Variants in CNTLN observed in about 807,000 individuals in gnomAD.
The protein encoded by CNTLN is centlein, centrosomal protein.
Under a neutral mutation model 180.0 loss-of-function variants are expected in CNTLN, and 212 were observed. That is an observed-to-expected ratio of 1.18 (90% CI 1.05 to 1.32). CNTLN has a LOEUF of 1.32. Among genes scored for constraint, CNTLN ranks in the 40% most tolerant of loss-of-function variants. The probability of loss-of-function intolerance (pLI) is 0.00; values close to 1 mark genes in which losing one functional copy is unlikely to be tolerated. For missense variants in CNTLN, 2,095 were observed against 1,610.9 expected (o/e 1.30, Z -5.14); for synonymous variants, 722 against 563.1 (o/e 1.28, Z -3.99).
At chr9:17,513,755 A>G in the CNTLN span, among the ~76,000 whole-genome samples, 1 of 152,172 alleles carries the variant, frequency 6.6e-6, no homozygotes, top group African/African-American at 2.4e-5. Flanking sequence ...ATAGAATAGG[A>G]GGAAAGAATT....
At chr9:17,301,100 C>T in intron 7 of CNTLN, 1 of 985,352 alleles carries the variant, frequency 1.0e-6, no homozygotes. Context: ...TGGTGTCATA[C>T]CAGTAATACT....
chr9:17,425,205 A>G (rs559745571), intron 18 of CNTLN, among the ~76,000 whole-genome samples: 2 of 152,268 alleles, frequency 1.3e-5, no homozygotes, highest in African/African-American at 4.8e-5. Flanking sequence ...TGTTCCTCCA[A>G]AATTCATGTT....
At chr9:17,371,970 C>T (rs1427884402) in intron 13 of CNTLN, among the ~76,000 whole-genome samples, 1 of 151,808 alleles carries the variant, frequency 6.6e-6, no homozygotes, top group African/African-American at 2.4e-5. Flanking sequence ...AAAAGCAATA[C>T]TAAGAGGGAA....
intron 25 of CNTLN, among the ~76,000 whole-genome samples, chr9:17,489,194 T>C (rs1564147854): frequency 6.6e-6 from 1 of 152,018 alleles, no homozygotes; most frequent in Non-Finnish European, 1.5e-5. Flanking sequence ...TTGTCCTGAA[T>C]TTTAGAAAAG....
At chr9:17,314,939 G>A (rs1346680747) in intron 8 of CNTLN, among the ~76,000 whole-genome samples, 1 of 152,070 alleles carries the variant, frequency 6.6e-6, no homozygotes, top group Non-Finnish European at 1.5e-5. Flanking sequence ...ACAATGCAGT[G>A]AACTTAATAG....
intron 7 of CNTLN, chr9:17,302,178 A>T: frequency 1.1e-6 from 1 of 917,504 alleles, no homozygotes; most frequent in Non-Finnish European, 1.3e-6. Flanking sequence ...AAGCTATAAC[A>T]TCATATTAAC....
intron 2 of CNTLN, among the ~76,000 whole-genome samples, chr9:17,221,766 C>T (rs1168388984): frequency 6.6e-6 from 1 of 151,980 alleles, no homozygotes; most frequent in African/African-American, 2.4e-5. Flanking sequence ...TTTGTTTTCT[C>T]TTTTCTCAAC....
At chr9:17,386,327 G>GA (rs1405177097) in intron 13 of CNTLN, among the ~76,000 whole-genome samples, 1 of 151,792 alleles carries the variant, frequency 6.6e-6, no homozygotes, top group Non-Finnish European at 1.5e-5. Flanking sequence ...ATGAGAAAAA[G>GA]AAAAAATGGA....
chr9:17,398,493 C>T lies in CNTLN; in HGVS notation c.2615+3424C>T, dbSNP rs150625689. On this transcript the variant is annotated intron_variant, in intron 15 of 25. Coordinates refer to ENST00000380647, the MANE Select transcript of CNTLN (RefSeq NM_017738.4). ...TTGAGTGGTTATCTCTTCATGCTAT[C>T]ATAAGTTGCATATGCAATTCTGGGA... Among the ~76,000 whole-genome samples, 534 of 152,230 alleles carry T rather than the reference C, an allele frequency of 3.5e-3. 2 individuals are homozygous for T. The highest frequency in any genetic ancestry group is 0.011 in the African/African-American group (471 of 41,526).
intron 18 of CNTLN, among the ~76,000 whole-genome samples, chr9:17,444,943 C>T (rs914971937): frequency 4.6e-5 from 7 of 152,054 alleles, no homozygotes; most frequent in African/African-American, 1.7e-4. Context: ...TTGCAAATCT[C>T]TTTTTTCTAT....
intron 12 of CNTLN, among the ~76,000 whole-genome samples, chr9:17,359,007 T>TCTCCCCTCCC (rs557214381): frequency 6.6e-6 from 1 of 150,794 alleles, no homozygotes. Context: ...ATTCCTCTCC[T>TCTCCCCTCCC]CTCCCCTCCC....
intron 5 of CNTLN, among the ~76,000 whole-genome samples, chr9:17,241,297 C>G (rs979738601): frequency 2.6e-5 from 4 of 152,194 alleles, no homozygotes; most frequent in African/African-American, 9.7e-5. Flanking sequence ...TTTCCCAGCA[C>G]AGTTAACTGA....
At chr9:17,279,534 C>T (rs1828527486) in intron 6 of CNTLN, among the ~76,000 whole-genome samples, 1 of 151,916 alleles carries the variant, frequency 6.6e-6, no homozygotes, top group Admixed American at 6.6e-5. Context: ...CCTATTTCCA[C>T]TATAGTCTGA....
intron 2 of CNTLN, among the ~76,000 whole-genome samples, chr9:17,145,397 A>C (rs1256899924): frequency 6.6e-6 from 1 of 152,210 alleles, no homozygotes; most frequent in African/African-American, 2.4e-5. Context: ...TTGAGAAGTG[A>C]AAATGATATG....
Position 17,380,362 on chromosome 9 carries a change from A to G in CNTLN, c.1988-7800A>G, listed in dbSNP as rs183971776. 5.2e-3 allele frequency among the ~76,000 whole-genome samples: 791 copies of G among 152,304 alleles called. 5 individuals are homozygous for G. Among genetic ancestry groups the G allele is most frequent in the Admixed American group, 8.2e-3 (126 of 15,302 alleles). ...CTCCTAAGGAGGTTTCTCGAGAAAC[A>G]CCTAAGCAAGCCTCAGCCAAAGGCC... On this transcript the variant is annotated intron_variant, in intron 13 of 25. Transcript: ENST00000380647.
chr9:17,504,669 A>C (rs1425522252), downstream of CNTLN, among the ~76,000 whole-genome samples: 1 of 152,172 alleles, frequency 6.6e-6, no homozygotes, highest in African/African-American at 2.4e-5. Flanking sequence ...AGAGAGAGAG[A>C]ATAATGTTAC....
intron 3 of CNTLN, among the ~76,000 whole-genome samples, chr9:17,228,126 T>C (rs1038248796): frequency 2.0e-5 from 3 of 152,116 alleles, no homozygotes; most frequent in Non-Finnish European, 2.9e-5. Context: ...AAATCTTTAA[T>C]ATCCTTAGGC....
intron 6 of CNTLN, among the ~76,000 whole-genome samples, chr9:17,295,995 AGAGTGTGTGTGTGTGT>A (rs1357419141): frequency 3.5e-5 from 3 of 84,954 alleles, no homozygotes; most frequent in Admixed American, 1.2e-4. Flanking sequence ...AGAGAGAGAG[AGAGTGTGTGTGTGTGT>A]GTGTGTGTGT....
intron 18 of CNTLN, among the ~76,000 whole-genome samples, chr9:17,438,414 A>G (rs980720705): frequency 3.3e-5 from 5 of 152,198 alleles, no homozygotes; most frequent in Admixed American, 2.6e-4. Flanking sequence ...AGGAAGGTAA[A>G]GAAAAAAGAG....
Sources: gnomAD v4.1 joint callset for allele counts (sites outside exome capture counted in the v4.1 genomes callset) on GRCh38, gnomAD v4.1.1 for gene constraint, MANE v1.5 for transcripts, NCBI Gene and HGNC (gene_info 2026-07-23, HGNC 2026-07-21) for gene names.